Variants in TAFA1 observed in about 807,000 individuals in gnomAD.
The protein encoded by TAFA1 is TAFA chemokine like family member 1.
TAFA1 carries 4 observed loss-of-function variants against 18.5 expected under a neutral mutation model. The observed-to-expected ratio is 0.22, with a 90% CI of 0.11 to 0.49. TAFA1 has a LOEUF of 0.49. TAFA1 is among the 20% of genes least tolerant of loss of function. The pLI, the probability that TAFA1 is intolerant of heterozygous loss-of-function variation, is 0.98. For missense variants in TAFA1, 147 were observed against 169.0 expected (o/e 0.87, Z 0.72); for synonymous variants, 56 against 55.2 (o/e 1.01, Z -0.06).
Position 68,189,839 on chromosome 3 carries a change from A to C in TAFA1, c.118+183095A>C, listed in dbSNP as rs529587354. Among the ~76,000 whole-genome samples, 5 of 152,042 alleles carry C rather than the reference A, an allele frequency of 3.3e-5. No homozygotes were observed. In the East Asian group the frequency reaches 9.7e-4, roughly 30 times the overall value. On this transcript the variant is annotated intron_variant, in intron 2 of 4. Transcript: ENST00000478136. ...GCCTGGCACAAAAGAAGCTGCCGTT[A>C]ATATTGCTGTTGTCACTGCTGCAAT...
At chr3:68,478,288 T>C (rs771734039) in intron 3 of TAFA1, among the ~76,000 whole-genome samples, 3 of 152,226 alleles carry the variant, frequency 2.0e-5, no homozygotes, top group Non-Finnish European at 2.9e-5. Context: ...TGCATATTTA[T>C]GTGGTCTGCT....
intron 2 of TAFA1, among the ~76,000 whole-genome samples, chr3:68,079,292 T>G (rs1232644084): frequency 6.6e-6 from 1 of 152,130 alleles, no homozygotes; most frequent in Admixed American, 6.5e-5. Context: ...TTTTGAAGGG[T>G]TTTTTGTGTC....
At chr3:68,192,024 T>C (rs1316744662) in intron 2 of TAFA1, among the ~76,000 whole-genome samples, 1 of 151,788 alleles carries the variant, frequency 6.6e-6, no homozygotes, top group African/African-American at 2.4e-5. Context: ...TTTGCTTTGG[T>C]TTCCCTTTCC....
intron 2 of TAFA1, among the ~76,000 whole-genome samples, chr3:68,209,957 T>C (rs1313141776): frequency 6.6e-6 from 1 of 151,810 alleles, no homozygotes; most frequent in East Asian, 1.9e-4. Context: ...TCACTTTTAA[T>C]TTTTTTTCCT....
At chr3:68,323,105 C>T (rs1176866640) in intron 2 of TAFA1, among the ~76,000 whole-genome samples, 1 of 152,154 alleles carries the variant, frequency 6.6e-6, no homozygotes, top group Admixed American at 6.5e-5. Context: ...AAAAATAAAT[C>T]TTACATAAAA....
At chr3:68,080,262 G>T (rs1176534450) in intron 2 of TAFA1, among the ~76,000 whole-genome samples, 1 of 152,114 alleles carries the variant, frequency 6.6e-6, no homozygotes, top group African/African-American at 2.4e-5. Context: ...CTTGACTCTT[G>T]ATCCAATTTT....
At chr3:68,451,928 G>A (rs556558877) in intron 3 of TAFA1, among the ~76,000 whole-genome samples, 1 of 152,272 alleles carries the variant, frequency 6.6e-6, no homozygotes, top group East Asian at 1.9e-4. Context: ...AGCAAGTTTT[G>A]TGCTGTTCTG....
intron 2 of TAFA1, among the ~76,000 whole-genome samples, chr3:68,155,434 TAACTTACAGATGAG>T (rs1438674190): frequency 6.6e-6 from 1 of 152,182 alleles, no homozygotes; most frequent in Non-Finnish European, 1.5e-5. Context: ...ATATCATCCC[TAACTTACAGATGAG>T]GGTATGGAAG....
At chr3:68,348,779 T>C (rs1449919996) in intron 2 of TAFA1, among the ~76,000 whole-genome samples, 1 of 152,046 alleles carries the variant, frequency 6.6e-6, no homozygotes, top group African/African-American at 2.4e-5. Flanking sequence ...TTTTAAAAAC[T>C]CAACATGCAA....
At chr3:68,452,115 A>C (rs1009528929) in intron 3 of TAFA1, among the ~76,000 whole-genome samples, 1 of 152,182 alleles carries the variant, frequency 6.6e-6, no homozygotes, top group Non-Finnish European at 1.5e-5. Flanking sequence ...GATGGTGAAG[A>C]GTAAGGAAGG....
At chr3:68,317,402 A>C (rs1342742781) in intron 2 of TAFA1, among the ~76,000 whole-genome samples, 1 of 152,184 alleles carries the variant, frequency 6.6e-6, no homozygotes, top group Non-Finnish European at 1.5e-5. Context: ...TCCTAAATCT[A>C]AGGCTAAAGA....
At chr3:68,080,135 C>A (rs142699394) in intron 2 of TAFA1, among the ~76,000 whole-genome samples, 8,487 of 152,126 alleles carry the variant, frequency 0.056, 396 homozygotes, top group African/African-American at 0.13. Context: ...AGGATTGCAA[C>A]CCCTGCCTTT....
intron 2 of TAFA1, among the ~76,000 whole-genome samples, chr3:68,351,947 C>T (rs771749671): frequency 3.3e-5 from 5 of 151,924 alleles, no homozygotes; most frequent in African/African-American, 4.8e-5. Context: ...ATTTGGGATT[C>T]CTATTTGGGA....
At chr3:68,446,015 C>T (rs1011806023) in intron 3 of TAFA1, among the ~76,000 whole-genome samples, 5 of 152,124 alleles carry the variant, frequency 3.3e-5, no homozygotes, top group African/African-American at 4.8e-5. Context: ...AATTCTTCCT[C>T]TTTAGTCTCC....
upstream of TAFA1, among the ~76,000 whole-genome samples, chr3:68,002,410 C>G (rs1704293302): frequency 6.6e-6 from 1 of 152,134 alleles, no homozygotes; most frequent in Non-Finnish European, 1.5e-5. Flanking sequence ...TATCTTGACC[C>G]TTATTTTAAT....
At chr3:68,248,630 G>T (rs1221096254) in intron 2 of TAFA1, among the ~76,000 whole-genome samples, 1 of 151,448 alleles carries the variant, frequency 6.6e-6, no homozygotes, top group Non-Finnish European at 1.5e-5. Context: ...ACCTGAATGT[G>T]TGTTCAGAGC....
intron 2 of TAFA1, among the ~76,000 whole-genome samples, chr3:68,271,500 A>G (rs147054430): frequency 1.7e-4 from 26 of 152,286 alleles, no homozygotes; most frequent in African/African-American, 6.0e-4. Flanking sequence ...TCCAAGAAGA[A>G]AGAAAGAATG....
chr3:68,120,171 CTCTTTCTTTCTTTCTTTCTTTCTT>C (rs67707831), intron 2 of TAFA1, among the ~76,000 whole-genome samples: 6,923 of 84,392 alleles, frequency 0.082, 513 homozygotes, highest in Non-Finnish European at 0.1. Flanking sequence ...CTCTTTCTTT[CTCTTTCTTTCTTTCTTTCTTTCTT>C]TCTTTCTTTC....
intron 2 of TAFA1, among the ~76,000 whole-genome samples, chr3:68,402,685 C>A (rs1414766643): frequency 6.6e-6 from 1 of 152,144 alleles, no homozygotes; most frequent in African/African-American, 2.4e-5. Flanking sequence ...TTTGTTATTA[C>A]CTCTCAGCTA....
Sources: gnomAD v4.1 joint callset for allele counts (sites outside exome capture counted in the v4.1 genomes callset) on GRCh38, gnomAD v4.1.1 for gene constraint, MANE v1.5 for transcripts, NCBI Gene and HGNC (gene_info 2026-07-23, HGNC 2026-07-21) for gene names.